The following JARID2 variants were observed in gnomAD, a reference collection of about 807,000 sequenced individuals.
The protein encoded by JARID2 is protein Jumonji.
A neutral mutation model predicts 125.6 loss-of-function variants in JARID2; 21 were observed. That is an observed-to-expected ratio of 0.17 (90% CI 0.12 to 0.24). The LOEUF (loss-of-function observed/expected upper bound fraction) is 0.24. JARID2 is among the 10% of genes least tolerant of loss of function. The pLI is 1.00. For synonymous variants in JARID2, 736 were observed against 661.6 expected (o/e 1.11, Z -1.73); for missense variants, 1,303 against 1,639.6 (o/e 0.79, Z 3.55).
At chr6:15,514,442 C>G (rs1771447919) in intron 16 of JARID2, among the ~76,000 whole-genome samples, 1 of 152,246 alleles carries the variant, frequency 6.6e-6, no homozygotes, top group Non-Finnish European at 1.5e-5. Context: ...ACAGGTGCCC[C>G]CTTCGGCTGC....
In JARID2 at chr6:15,342,288, A is replaced by C. The variant is rs187687880; in HGVS notation, c.46-31829A>C. ...TCTGTGCGACTTACTGTAAACATCT[A>C]TTGTCTCCCAGGCAGTATGCAGTGT... On this transcript the variant is annotated intron_variant, in intron 1 of 17. Coordinates refer to ENST00000341776, the MANE Select transcript of JARID2 (RefSeq NM_004973.4). Among the ~76,000 whole-genome samples, 36 of 152,164 alleles carry C rather than the reference A, an allele frequency of 2.4e-4. 1 individual carries two copies. The highest frequency in any genetic ancestry group is 1.1e-3 in the Admixed American group (17 of 15,282).
intron 1 of JARID2, among the ~76,000 whole-genome samples, chr6:15,353,564 G>T (rs567617429): frequency 6.6e-6 from 1 of 152,230 alleles, no homozygotes; most frequent in East Asian, 1.9e-4. Context: ...ATTGATCGTG[G>T]TGAATTAAGT....
intron 1 of JARID2, among the ~76,000 whole-genome samples, chr6:15,359,007 G>A (rs1160467909): frequency 6.6e-6 from 1 of 152,210 alleles, no homozygotes; most frequent in Non-Finnish European, 1.5e-5. Context: ...CTAGGAGAGT[G>A]CTCCCAGTGA....
intron 3 of JARID2, among the ~76,000 whole-genome samples, chr6:15,417,751 CTAAA>C (rs1408326657): frequency 5.3e-5 from 8 of 151,932 alleles, no homozygotes; most frequent in African/African-American, 1.9e-4. Context: ...CAAAAAAAAA[CTAAA>C]TAAGCGAATA....
intron 3 of JARID2, among the ~76,000 whole-genome samples, chr6:15,441,854 C>T (rs1297870967): frequency 3.9e-5 from 6 of 151,908 alleles, no homozygotes; most frequent in African/African-American, 7.3e-5. Context: ...TGCAATGGCA[C>T]GGTCTCGGCT....
chr6:15,319,067 A>G (rs1042746520), intron 1 of JARID2, among the ~76,000 whole-genome samples: 2 of 152,238 alleles, frequency 1.3e-5, no homozygotes, highest in Non-Finnish European at 2.9e-5. Context: ...GGCCTTTTGT[A>G]TTTACATAGA....
intron 1 of JARID2, among the ~76,000 whole-genome samples, chr6:15,325,528 A>G (rs1009621560): frequency 9.2e-5 from 14 of 152,140 alleles, no homozygotes; most frequent in Non-Finnish European, 1.3e-4. Flanking sequence ...CCCTTTCTTC[A>G]TGATGGTGTG....
chr6:15,457,315 T>C (rs1030149825), intron 4 of JARID2, among the ~76,000 whole-genome samples: 1 of 152,190 alleles, frequency 6.6e-6, no homozygotes, highest in African/African-American at 2.4e-5. Flanking sequence ...CAGGCAAAGT[T>C]GACAGTTGGG....
chr6:15,328,042 T>C (rs1482426122), intron 1 of JARID2, among the ~76,000 whole-genome samples: 1 of 152,142 alleles, frequency 6.6e-6, no homozygotes, highest in Non-Finnish European at 1.5e-5. Flanking sequence ...TGAATATTTA[T>C]TACAGGCCCA....
At chr6:15,420,894 C>T (rs528310933) in intron 3 of JARID2, among the ~76,000 whole-genome samples, 1 of 152,304 alleles carries the variant, frequency 6.6e-6, no homozygotes, top group South Asian at 2.1e-4. Flanking sequence ...GGCACTATTC[C>T]TGGTGCTTTT....
intron 1 of JARID2, among the ~76,000 whole-genome samples, chr6:15,291,915 T>C (rs1289801689): frequency 1.3e-5 from 2 of 152,240 alleles, no homozygotes; most frequent in African/African-American, 2.4e-5. Flanking sequence ...TCTTATGTTA[T>C]TACATATGTT....
intron 1 of JARID2, among the ~76,000 whole-genome samples, chr6:15,312,361 G>A (rs903190659): frequency 6.6e-6 from 1 of 152,124 alleles, no homozygotes; most frequent in Non-Finnish European, 1.5e-5. Flanking sequence ...CCTCAGTTTG[G>A]ATTTTTAAAA....
chr6:15,271,238 G>A (rs762773909), intron 1 of JARID2, among the ~76,000 whole-genome samples: 1 of 152,166 alleles, frequency 6.6e-6, no homozygotes, highest in Non-Finnish European at 1.5e-5. Context: ...GGAGGTTCAG[G>A]AGGGCTTGAG....
At chr6:15,515,784 G>C (rs1315606695) in intron 16 of JARID2, among the ~76,000 whole-genome samples, 1 of 151,300 alleles carries the variant, frequency 6.6e-6, no homozygotes. Flanking sequence ...AACCAGGCAC[G>C]GTGGCTTATG....
At chr6:15,248,145 C>T in intron 1 of JARID2, 1 of 937,472 alleles carries the variant, frequency 1.1e-6, no homozygotes, top group Non-Finnish European at 1.3e-6. Flanking sequence ...CTGGCGGCGG[C>T]TGCGGGAGGC....
chr6:15,259,799 GC>G (rs905293096), intron 1 of JARID2, among the ~76,000 whole-genome samples: 6 of 152,102 alleles, frequency 3.9e-5, no homozygotes, highest in Admixed American at 2.6e-4. Context: ...ATGTATTTAT[GC>G]CCCTCATTCT....
At chr6:15,480,207 G>T (rs929792720) in intron 5 of JARID2, among the ~76,000 whole-genome samples, 3 of 152,150 alleles carry the variant, frequency 2.0e-5, no homozygotes, top group Admixed American at 2.0e-4. Flanking sequence ...CAGGAAGAAG[G>T]TATTTTAATT....
intron 4 of JARID2, among the ~76,000 whole-genome samples, chr6:15,459,703 C>T (rs9476827): frequency 0.39 from 59,340 of 152,060 alleles, 11,718 homozygotes; most frequent in South Asian, 0.47. Flanking sequence ...TTCTAAAGAG[C>T]GTTGCTGGCC....
At chr6:15,442,572 C>T (rs959132180) in intron 3 of JARID2, among the ~76,000 whole-genome samples, 9 of 152,314 alleles carry the variant, frequency 5.9e-5, no homozygotes, top group African/African-American at 9.6e-5. Context: ...TGGCTCTTCC[C>T]TCCTGGGCTT....
Sources: gnomAD v4.1 joint callset for allele counts (sites outside exome capture counted in the v4.1 genomes callset) on GRCh38, gnomAD v4.1.1 for gene constraint, MANE v1.5 for transcripts, NCBI Gene and HGNC (gene_info 2026-07-23, HGNC 2026-07-21) for gene names.